The following EZH1 variants were observed in gnomAD, a reference collection of about 807,000 sequenced individuals.
EZH1 encodes histone-lysine N-methyltransferase EZH1.
Under a neutral mutation model 100.5 loss-of-function variants are expected in EZH1, and 33 were observed. The ratio of observed to expected loss-of-function variants is 0.33; its 90% CI spans 0.25 to 0.44. The LOEUF is 0.44. Ranked by LOEUF, EZH1 falls within the 20% of genes least tolerant of loss-of-function variation. The pLI is 1.00. For synonymous variants in EZH1, 272 were observed against 313.8 expected (o/e 0.87, Z 1.41); for missense variants, 475 against 928.4 (o/e 0.51, Z 6.35).
At chr17:42,725,080 T>C (rs1315562280) in intron 4 of EZH1, among the ~76,000 whole-genome samples, 1 of 151,376 alleles carries the variant, frequency 6.6e-6, no homozygotes, top group African/African-American at 2.4e-5. Context: ...GGCAGGAGAA[T>C]TGCTTGAACC....
At chr17:42,703,892 A>G (rs2053295779) in intron 18 of EZH1, 72 bp from the exon 19 acceptor site, 4 of 1,076,704 alleles carry the variant, frequency 3.7e-6, no homozygotes, top group Non-Finnish European at 5.8e-6. Context: ...TGAATTTAAA[A>G]TCAGTTAAAT....
intron 13 of EZH1, 82 bp from the exon 14 acceptor site, chr17:42,708,998 C>G: frequency 6.7e-7 from 1 of 1,502,976 alleles, no homozygotes; most frequent in South Asian, 1.1e-5. Flanking sequence ...GTGACTTGCT[C>G]TGAGGGACTG....
At chr17:42,727,003 T>A (rs1168072955) in intron 4 of EZH1, among the ~76,000 whole-genome samples, 1 of 151,568 alleles carries the variant, frequency 6.6e-6, no homozygotes, top group Non-Finnish European at 1.5e-5. Flanking sequence ...GTGTGCACCA[T>A]CACACGCAGC....
At chr17:42,741,010 C>T (rs935806390) in intron 1 of EZH1, among the ~76,000 whole-genome samples, 4 of 152,168 alleles carry the variant, frequency 2.6e-5, no homozygotes, top group Admixed American at 6.6e-5. Context: ...TGGGGACTTT[C>T]CAGAATGGAG....
chr17:42,733,865 C>A (rs1428634567), intron 1 of EZH1, among the ~76,000 whole-genome samples: 15 of 139,026 alleles, frequency 1.1e-4, no homozygotes, highest in African/African-American at 4.1e-4. Flanking sequence ...CGATTGAACA[C>A]AGGAGGTGGA....
At chr17:42,720,600 T>C in intron 6 of EZH1, 151 bp from the exon 7 acceptor site, 1 of 628,690 alleles carries the variant, frequency 1.6e-6, no homozygotes, top group Non-Finnish European at 2.6e-6. Context: ...ATCATTTGAT[T>C]GGCTCCTACA....
Position 42,706,911 on chromosome 17 carries a change from G to A in EZH1, c.1661-726C>T, listed in dbSNP as rs891927294. On this transcript the variant is annotated intron_variant, in intron 15 of 20. Transcript: ENST00000428826. This position sits in a 1 kb window ranked among gnomAD's most constrained non-coding sequence, Gnocchi z 4.4. ...TTCTCCACCCACTGCCCAACCCAGC[G>A]CAACCACTTCTCTGCTGCGGCTAAG... Among the ~76,000 whole-genome samples the A allele has an allele frequency of 8.5e-5, 13 of 152,120 alleles. No homozygotes were observed. Among genetic ancestry groups the A allele is most frequent in the Admixed American group, 5.2e-4 (8 of 15,266 alleles).
chr17:42,718,700 A>G lies in EZH1; in HGVS notation c.768-83T>C. 1 of 1,472,474 alleles carries G rather than the reference A, an allele frequency of 6.8e-7. No individual in the cohort carries two copies. The highest frequency in any genetic ancestry group is 1.2e-5 in the South Asian group (1 of 83,248). The allele number at this position is 1,472,474 out of a possible 1,614,324, so 91.2% of individuals were successfully genotyped here. On this transcript the variant is annotated intron_variant, in intron 8 of 20. Transcript: ENST00000428826. This position sits in a 1 kb window ranked among gnomAD's most constrained non-coding sequence, Gnocchi z 4.2. ...ACAGATTGGGTACTGACAGTAGCTCACCTACGGTCTGCCAAGGGAGGATGG... is the reference window on the plus strand; with the variant it reads ...ACAGATTGGGTACTGACAGTAGCTCGCCTACGGTCTGCCAAGGGAGGATGG...
chr17:42,715,061 T>C (rs1376950149), intron 10 of EZH1, among the ~76,000 whole-genome samples: 2 of 140,028 alleles, frequency 1.4e-5, no homozygotes, highest in Non-Finnish European at 3.1e-5. Context: ...TATGTATTTA[T>C]ATACTATATA....
rs144963993 is a variant in EZH1, at chr17:42,726,670, C to G, written c.246+965G>C. On this transcript the variant is annotated intron_variant, in intron 4 of 20. Transcript: ENST00000428826. ...GGGATTACAGAAGTGTGCCACCATG[C>G]CTGGCTAATTTTTTTGTACTATTAG... Among the ~76,000 whole-genome samples the G allele has an allele frequency of 6.2e-3, 939 of 151,788 alleles. 6 individuals carry two copies. Among genetic ancestry groups the G allele is most frequent in the Middle Eastern group, 0.014 (4 of 294 alleles).
In EZH1 at chr17:42,735,284, C is replaced by T. The variant is rs565268007; in HGVS notation, c.-102-4366G>A. On this transcript the variant is annotated intron_variant, in intron 1 of 20. Transcript: ENST00000428826. ...TACTAAAAATACAAAATTTAGCAGG[C>T]CATGTTGGCACACACCTGAAACTCA... 2.0e-3 allele frequency among the ~76,000 whole-genome samples: 310 copies of T among 151,700 alleles called. 10 individuals are homozygous for T. In the South Asian group the frequency reaches 0.059, roughly 29 times the overall value.
At chr17:42,707,190 A>G (rs537998215) in intron 15 of EZH1, among the ~76,000 whole-genome samples, 72 of 152,242 alleles carry the variant, frequency 4.7e-4, no homozygotes, top group African/African-American at 1.7e-3. Context: ...ATATCTGAAT[A>G]AAAAATTTTT....
chr17:42,743,621 C>A (rs544632623), intron 1 of EZH1, among the ~76,000 whole-genome samples: 5 of 151,512 alleles, frequency 3.3e-5, no homozygotes, highest in Non-Finnish European at 7.4e-5. Context: ...AGGAGAAGGC[C>A]ACCACATCTG....
At chr17:42,708,982 GACA>G in intron 13 of EZH1, 66 bp from the exon 14 acceptor site, 1 of 1,576,362 alleles carries the variant, frequency 6.3e-7, no homozygotes, top group Non-Finnish European at 8.7e-7. Context: ...GCAGGTAAAT[GACA>G]ACGTGACTTG....
chr17:42,703,691 T>G lies in EZH1; in HGVS notation c.2098+49A>C, dbSNP rs552096226. On this transcript the variant is annotated intron_variant, in intron 19 of 20. Coordinates refer to ENST00000428826, the MANE Select transcript of EZH1 (RefSeq NM_001991.5). Reference sequence around the variant, plus strand: ...GTTCAACAACGAATGGAAATCACAGTAAAGAGGCATCCATCCCCCACCCCA... The same window carrying G: ...GTTCAACAACGAATGGAAATCACAGGAAAGAGGCATCCATCCCCCACCCCA... 12 of 1,302,260 alleles carry G rather than the reference T, an allele frequency of 9.2e-6. No individual in the cohort carries two copies. The Admixed American group carries it at 1.0e-4, about 11-fold the overall frequency. 80.7% of individuals were successfully genotyped at this position (1,302,260 alleles called of 1,614,324 possible).
intron 1 of EZH1, among the ~76,000 whole-genome samples, chr17:42,733,335 C>T (rs1479727014): frequency 7.5e-6 from 1 of 133,594 alleles, no homozygotes; most frequent in Non-Finnish European, 1.6e-5. Context: ...AAAACTCTGT[C>T]TCAAAAAAAA....
At chr17:42,714,584 G>A in intron 10 of EZH1, 1 of 318,060 alleles carries the variant, frequency 3.1e-6, no homozygotes, top group Non-Finnish European at 6.4e-6. Flanking sequence ...GCTTTCCTTA[G>A]CAAGCAGCAG....
chr17:42,717,502 G>A lies in EZH1; in HGVS notation c.1023+474C>T, dbSNP rs1031591309. 6.6e-5 allele frequency among the ~76,000 whole-genome samples: 10 copies of A among 152,202 alleles called. No individual in the cohort carries two copies. The South Asian group carries it at 1.0e-3, about 16-fold the overall frequency. ...ATTTCCTTCTAGCTCTCAATATATG[G>A]CTTCCCCACAGGTATGCCAGACCAT... On this transcript the variant is annotated intron_variant, in intron 10 of 20. Coordinates refer to ENST00000428826, the MANE Select transcript of EZH1 (RefSeq NM_001991.5).
intron 16 of EZH1, chr17:42,705,460 A>T: frequency 3.4e-6 from 1 of 295,512 alleles, no homozygotes. Context: ...AGGTAAACAT[A>T]GACATCACCA....
Sources: gnomAD v4.1 joint callset for allele counts (sites outside exome capture counted in the v4.1 genomes callset) on GRCh38, gnomAD v4.1.1 for gene constraint, Gnocchi (gnomAD v3.1) non-coding constraint, MANE v1.5 for transcripts, NCBI Gene and HGNC (gene_info 2026-07-23, HGNC 2026-07-21) for gene names.